BTK: variants seen among roughly 807,000 people sequenced by gnomAD.
The protein encoded by BTK is Bruton tyrosine kinase.
BTK carries 5 observed loss-of-function variants against 57.4 expected under a neutral mutation model. That is an observed-to-expected ratio of 0.09 (90% confidence interval 0.05 to 0.18). BTK has a LOEUF of 0.18. Ranked by LOEUF, BTK falls within the 10% of genes least tolerant of loss-of-function variation. BTK has a pLI of 1.00. For synonymous variants in BTK, 154 were observed against 174.3 expected, an observed-to-expected ratio of 0.88 and a Z score of 0.92; for missense variants, 194 against 501.2, an observed-to-expected ratio of 0.39 and a Z score of 5.85.
intron 3 of BTK, among the ~76,000 whole-genome samples, chrX:101,372,954 G>A (rs983539343): frequency 2.4e-4 from 26 of 107,174 alleles, no homozygotes; most frequent in African/African-American, 8.1e-4. Context: ...TGTGGTGGTG[G>A]GCGCCTGTAG....
chrX:101,369,981 T>C lies in BTK; in HGVS notation c.391+17A>G. On this transcript the variant is annotated intron_variant, in intron 5 of 18. Transcript: ENST00000308731. ...CCTTCTTTCTTTGGAAACATTTATT[T>C]TCCAAATAATTCTCACCGTTTTTGA... 8.4e-7 allele frequency: 1 copy of C among 1,192,264 alleles called. No individual in the cohort carries two copies. The highest frequency in any genetic ancestry group is 1.1e-6 in the Non-Finnish European group (1 of 878,313).
At chrX:101,355,347 T>C (rs1409010101) in intron 15 of BTK, among the ~76,000 whole-genome samples, 1 of 111,950 alleles carries the variant, frequency 8.9e-6, no homozygotes, top group Admixed American at 9.5e-5. Flanking sequence ...TTTTTTTGCT[T>C]TCTGCTTTTC....
Position 101,374,642 on chromosome X carries a change from G to T in BTK, c.142-8C>A. On this transcript the variant is annotated splice_region_variant and splice_polypyrimidine_tract_variant and intron_variant, in intron 2 of 18. Coordinates refer to ENST00000308731, the MANE Select transcript of BTK (RefSeq NM_000061.3). ...CTTCTTACTGCCTCTTCTCTGAGAA[G>T]TAGAATGAGGAAGAAAATGGAGAAA... 1 of 1,163,997 alleles carries T rather than the reference G, an allele frequency of 8.6e-7. No homozygotes were observed. The highest frequency in any genetic ancestry group is 1.2e-6 in the Non-Finnish European group (1 of 852,341).
intron 17 of BTK, 89 bp downstream of exon 17, chrX:101,353,781 A>G (rs904560401): frequency 5.1e-6 from 4 of 781,549 alleles, no homozygotes; most frequent in Non-Finnish European, 7.9e-6. Flanking sequence ...AGCAAGAACA[A>G]TATCTCTGTG....
chrX:101,372,908 A>C (rs1927080837), intron 3 of BTK, among the ~76,000 whole-genome samples: 1 of 103,953 alleles, frequency 9.6e-6, no homozygotes, highest in Non-Finnish European at 2.0e-5. Flanking sequence ...ATCTGGTGAA[A>C]CCCCATCTCT....
intron 18 of BTK, 139 bp from the exon 19 acceptor site, chrX:101,350,095 A>G: frequency 2.1e-6 from 1 of 465,180 alleles, no homozygotes; most frequent in Non-Finnish European, 3.7e-6. Context: ...AAAGGAAAAA[A>G]AAAAAAAAAA....
rs60771146 is a variant in BTK, at chrX:101,357,162, G to A, written c.1178-207C>T. Among the ~76,000 whole-genome samples the A allele has an allele frequency of 0.013, 1,490 of 111,862 alleles. 25 individuals are homozygous for A. Among genetic ancestry groups the A allele is most frequent in the African/African-American group, 0.046 (1,424 of 30,804 alleles). ...ATTTTAGGTTCAAGGTGGCCATAAG[G>A]CAAGAAGATAGACTAAGCAACCTCC... On this transcript the variant is annotated intron_variant, in intron 13 of 18. Transcript: ENST00000308731.
chrX:101,384,522 G>A (rs912514918), intron 1 of BTK, among the ~76,000 whole-genome samples: 12 of 110,555 alleles, frequency 1.1e-4, no homozygotes, highest in Non-Finnish European at 1.5e-4. Flanking sequence ...GTTTGAACCC[G>A]GGAGGCGGAG....
chrX:101,381,893 G>C (rs782051779), intron 1 of BTK, among the ~76,000 whole-genome samples: 4 of 109,086 alleles, frequency 3.7e-5, no homozygotes, highest in African/African-American at 1.3e-4. Context: ...TTAGCCTGGC[G>C]TGGTGGCGCG....
chrX:101,363,397 T>C (rs1555978974), intron 5 of BTK, among the ~76,000 whole-genome samples: 1 of 111,795 alleles, frequency 8.9e-6, no homozygotes, highest in Non-Finnish European at 1.9e-5. Flanking sequence ...TATAATACTA[T>C]GGCATATCAA....
At chrX:101,386,035 C>T (rs1379923036) in intron 1 of BTK, 27 bp downstream of exon 1, 1 of 111,196 alleles carries the variant, frequency 9.0e-6, no homozygotes, top group Non-Finnish European at 1.9e-5. Context: ...CTGCTGCTGC[C>T]CAGCCCCTGC....
At chrX:101,370,670 T>C (rs950489367) in intron 4 of BTK, among the ~76,000 whole-genome samples, 2 of 112,009 alleles carry the variant, frequency 1.8e-5, no homozygotes, top group Admixed American at 9.5e-5. Context: ...TCAAGTCAAA[T>C]AGTATTTTTT....
At chrX:101,375,427 A>G in intron 1 of BTK, 113 bp from the exon 2 acceptor site, 1 of 770,490 alleles carries the variant, frequency 1.3e-6, no homozygotes, top group East Asian at 3.2e-5. Flanking sequence ...ACAGCTCACA[A>G]AATAATTTCT....
intron 7 of BTK, among the ~76,000 whole-genome samples, chrX:101,361,266 C>T (rs1196717832): frequency 9.0e-6 from 1 of 110,632 alleles, no homozygotes; most frequent in Non-Finnish European, 1.9e-5. Flanking sequence ...AGTCAGTTTC[C>T]TCACAGACCA....
At chrX:101,353,457 C>T in intron 17 of BTK, 106 bp from the exon 18 acceptor site, 2 of 883,495 alleles carry the variant, frequency 2.3e-6, no homozygotes, top group Admixed American at 2.3e-5. Flanking sequence ...TGGTTCCCCG[C>T]TCTGTGCTTT....
Position 101,371,600 on chromosome X carries a change from C to G in BTK, c.309+33G>C, listed in dbSNP as rs782258166. The G allele has an allele frequency of 1.5e-5, 17 of 1,157,269 alleles. No homozygotes were observed. In the African/African-American group the frequency reaches 3.0e-4, roughly 21 times the overall value. On this transcript the variant is annotated intron_variant, in intron 4 of 18. Coordinates refer to ENST00000308731, the MANE Select transcript of BTK (RefSeq NM_000061.3). ...ACCCCTTCTAATTGTGTTACAGGGG[C>G]CTTTCGAGATTTGGTGAGAGAAAAT...
chrX:101,374,366 G>A (rs3027627), intron 3 of BTK, 170 bp downstream of exon 3: 13,522 of 488,967 alleles, frequency 0.028, 151 homozygotes, highest in Non-Finnish European at 0.036. Context: ...GAATATGAAG[G>A]AAAGAAGCTA....
upstream of BTK, chrX:101,390,622 C>G: frequency 2.0e-6 from 1 of 503,520 alleles, no homozygotes; most frequent in Non-Finnish European, 3.6e-6. Context: ...GAAAGGTGTT[C>G]CCAGTGACCT....
chrX:101,361,887 T>G (rs1926684273), intron 7 of BTK, among the ~76,000 whole-genome samples: 1 of 112,442 alleles, frequency 8.9e-6, no homozygotes, highest in South Asian at 3.6e-4. Flanking sequence ...AGAGCGAGAC[T>G]CCGTCTCAAA....
Sources: allele counts gnomAD v4.1 joint callset (sites outside exome capture counted in the v4.1 genomes callset), GRCh38; gene constraint gnomAD v4.1.1; transcripts MANE v1.5; gene names NCBI Gene and HGNC (gene_info 2026-07-23, HGNC 2026-07-21).